Variants in GRM4 observed in about 807,000 individuals in gnomAD.
GRM4 encodes glutamate metabotropic receptor 4.
Under a neutral mutation model 81.7 loss-of-function variants are expected in GRM4, and 28 were observed. The ratio of observed to expected loss-of-function variants is 0.34; its 90% CI spans 0.25 to 0.47. The LOEUF (loss-of-function observed/expected upper bound fraction) is 0.47. Ranked by LOEUF, GRM4 falls within the 20% of genes least tolerant of loss-of-function variation. The pLI is 1.00. For missense variants in GRM4, 948 were observed against 1,290.0 expected (o/e 0.73, Z 4.06); for synonymous variants, 488 against 528.8 (o/e 0.92, Z 1.06).
In GRM4 at chr6:34,027,256, T is replaced by C. The variant is rs548614721; in HGVS notation, c.2689+864A>G. On this transcript the variant is annotated intron_variant, in intron 10 of 10. Transcript: ENST00000538487. The stretch of plus-strand genomic sequence containing the variant: ...GGAAGGGTATCAGAAGCCAGTATAC[T>C]CTCCACAACAGAGGTGCACAGGCTG... Among the ~76,000 whole-genome samples the C allele has an allele frequency of 3.2e-4, 48 of 152,156 alleles. No homozygotes were observed. The South Asian group carries it at 7.7e-3, about 24-fold the overall frequency.
rs754601231 is a variant in GRM4, at chr6:34,028,104, G to A, written c.2689+16C>T. The stretch of plus-strand genomic sequence containing the variant: ...GGCCTGGGGCCCGAGAGGGCAGAAC[G>A]GGGCCAGGCACTCACCTGGGGCCTC... On this transcript the variant is annotated intron_variant, in intron 10 of 10. Coordinates refer to ENST00000538487, the MANE Select transcript of GRM4 (RefSeq NM_000841.4). The A allele has an allele frequency of 2.2e-5, 36 of 1,603,762 alleles. No individual in the cohort carries two copies. The highest frequency in any genetic ancestry group is 1.7e-4 in the African/African-American group (13 of 74,742).
At chr6:34,024,216 T>C (rs1289533867) in intron 10 of GRM4, 4 of 161,476 alleles carry the variant, frequency 2.5e-5, no homozygotes, top group Non-Finnish European at 5.5e-5. Flanking sequence ...GCTGAGGCCT[T>C]ACCTGACTGT....
chr6:34,023,903 G>A (rs77789704), intron 10 of GRM4, among the ~76,000 whole-genome samples: 1,828 of 152,322 alleles, frequency 0.012, 23 homozygotes, highest in African/African-American at 0.04. Flanking sequence ...CCTGGGAGCC[G>A]CCTCAGTGGT....
At chr6:34,110,719 G>T in intron 2 of GRM4, 1 of 1,517,386 alleles carries the variant, frequency 6.6e-7, no homozygotes, top group Non-Finnish European at 8.8e-7. Flanking sequence ...CTGTGCCGGG[G>T]TGCTGGGCTG....
intron 3 of GRM4, among the ~76,000 whole-genome samples, chr6:34,079,870 T>C (rs1173994836): frequency 3.3e-5 from 5 of 152,082 alleles, no homozygotes; most frequent in African/African-American, 1.2e-4. Context: ...TGGACTACAG[T>C]GGCCTCCACA....
rs1445759073 is a variant in GRM4, at chr6:34,092,993, G to A, written c.520-894C>T. ...GCTCTCCCGGCTGCTCAGGGCTTGT[G>A]GGCTCCACTCCCCGCTTGGCCCACA... On this transcript the variant is annotated intron_variant, in intron 2 of 10. Transcript: ENST00000538487. The surrounding 1 kb of genome is among the most constrained non-coding windows in gnomAD (Gnocchi z 6.8). 6.6e-6 allele frequency among the ~76,000 whole-genome samples: 1 copy of A among 152,144 alleles called. No individual in the cohort carries two copies. Among genetic ancestry groups the A allele is most frequent in the Non-Finnish European group, 1.5e-5 (1 of 68,018 alleles).
intron 10 of GRM4, chr6:34,024,109 TGTG>T (rs1764021515): frequency 6.6e-6 from 1 of 152,550 alleles, no homozygotes; most frequent in Non-Finnish European, 1.5e-5. Context: ...GGGGGACAAG[TGTG>T]GTGGTCTACA....
intron 1 of GRM4, among the ~76,000 whole-genome samples, chr6:34,142,005 A>T (rs1304126614): frequency 6.6e-6 from 1 of 152,210 alleles, no homozygotes; most frequent in East Asian, 1.9e-4. Flanking sequence ...CAGGGACCAA[A>T]GGCAGCAAAA....
chr6:34,144,517 C>CTA (rs912809099), intron 1 of GRM4, among the ~76,000 whole-genome samples: 32 of 152,218 alleles, frequency 2.1e-4, no homozygotes, highest in African/African-American at 7.7e-4. Flanking sequence ...ACCCCAGACC[C>CTA]TAGAGACCCC....
chr6:34,036,344 A>G lies in GRM4; in HGVS notation c.1766T>C (p.Val589Ala). The G allele has an allele frequency of 6.2e-7, 1 of 1,613,834 alleles. No individual in the cohort carries two copies. The highest frequency in any genetic ancestry group is 8.5e-7 in the Non-Finnish European group (1 of 1,179,964). ...IKLEWGSPWA[V>A]LPLFLAVVGI... ...CACCACGGCCAGGAAGAGGGGCAGCACGGCCCAGGGCGAGCCCCACTCAAG... is the reference window on the plus strand; with the variant it reads ...CACCACGGCCAGGAAGAGGGGCAGCGCGGCCCAGGGCGAGCCCCACTCAAG... Residue 589 changes from valine to alanine, a missense_variant, in exon 9 of 11, where the codon GTG becomes GCG. Physicochemically the swap from Val to Ala is moderately conservative, Grantham distance 64. Coordinates refer to ENST00000538487, the MANE Select transcript of GRM4 (RefSeq NM_000841.4). The surrounding 1 kb of genome is among the most constrained non-coding windows in gnomAD (Gnocchi z 9.0).
At chr6:34,044,126 A>G (rs576524945) in intron 6 of GRM4, among the ~76,000 whole-genome samples, 55 of 151,120 alleles carry the variant, frequency 3.6e-4, no homozygotes, top group African/African-American at 1.3e-3. Flanking sequence ...ACAGACACAC[A>G]CACACACATA....
In GRM4 at chr6:34,074,395, G is replaced by A. The variant is rs79831634; in HGVS notation, c.737-12367C>T. Among the ~76,000 whole-genome samples, 12,470 of 152,258 alleles carry A rather than the reference G, an allele frequency of 0.082. 1,096 individuals carry two copies. The highest frequency in any genetic ancestry group is 0.21 in the African/African-American group (8,731 of 41,528). On this transcript the variant is annotated intron_variant, in intron 3 of 10. Coordinates refer to ENST00000538487, the MANE Select transcript of GRM4 (RefSeq NM_000841.4). This position sits in a 1 kb window ranked among gnomAD's most constrained non-coding sequence, Gnocchi z 4.9. ...GCCCCTAGGGGATATTTTGGGGTGT[G>A]GAGGAGGATGCAGGCCTTGGAGGAC...
intron 2 of GRM4, among the ~76,000 whole-genome samples, chr6:34,128,251 A>G (rs544960224): frequency 1.1e-4 from 16 of 152,170 alleles, no homozygotes; most frequent in Middle Eastern, 3.4e-3. Flanking sequence ...CCTCTTCCGC[A>G]TCGCCGGAGT....
At position 34,059,274 on chromosome 6, in the gene GRM4, G is replaced by A. The variant is rs1766064170; in HGVS notation, c.873-146C>T. On this transcript the variant is annotated intron_variant, in intron 4 of 10. Coordinates refer to ENST00000538487, the MANE Select transcript of GRM4 (RefSeq NM_000841.4). The surrounding 1 kb of genome is among the most constrained non-coding windows in gnomAD (Gnocchi z 5.7). ...CCCAGCACCGATGCTTTCACCCCAA[G>A]CCATGGATTCCCCCTACCCGCTGCC... The A allele has an allele frequency of 2.8e-6, 2 of 710,726 alleles. No individual in the cohort carries two copies. The highest frequency in any genetic ancestry group is 1.8e-5 in the African/African-American group (1 of 56,774). The allele number at this position is 710,726 out of a possible 1,614,324, so 44.0% of individuals were successfully genotyped here.
chr6:34,154,986 G>A (rs914007935), intron 1 of GRM4: 1 of 1,076,624 alleles, frequency 9.3e-7, no homozygotes, highest in Non-Finnish European at 1.3e-6. Context: ...GGGTCCGAGC[G>A]GGACCCAGGC....
At chr6:34,103,661 G>T in intron 2 of GRM4, 1 of 1,535,478 alleles carries the variant, frequency 6.5e-7, no homozygotes, top group Non-Finnish European at 8.7e-7. Flanking sequence ...CAGGCAGGCA[G>T]GGCAGAGGCC....
intron 3 of GRM4, among the ~76,000 whole-genome samples, chr6:34,091,078 C>T (rs1768182735): frequency 6.6e-6 from 1 of 152,212 alleles, no homozygotes; most frequent in African/African-American, 2.4e-5. Context: ...CAGCCTAGGG[C>T]TGCCTGCTGC....
At position 34,121,842 on chromosome 6, in the gene GRM4, G is replaced by C. The variant is rs4713743; in HGVS notation, c.519+11136C>G. On this transcript the variant is annotated intron_variant, in intron 2 of 10. Coordinates refer to ENST00000538487, the MANE Select transcript of GRM4 (RefSeq NM_000841.4). The surrounding 1 kb of genome is among the most constrained non-coding windows in gnomAD (Gnocchi z 4.6). Reference sequence around the variant, plus strand: ...CACCTCCTGTTTCCTGAGGGCCTGCGATGTGCCAGGCACTGAGCTAATCAC... The same window carrying C: ...CACCTCCTGTTTCCTGAGGGCCTGCCATGTGCCAGGCACTGAGCTAATCAC... Among the ~76,000 whole-genome samples, 13 of 152,016 alleles carry C rather than the reference G, an allele frequency of 8.6e-5. No individual in the cohort carries two copies. Among genetic ancestry groups the C allele is most frequent in the Middle Eastern group, 3.4e-3 (1 of 292 alleles).
At chr6:34,046,695 G>A (rs144102727) in intron 6 of GRM4, among the ~76,000 whole-genome samples, 55 of 152,314 alleles carry the variant, frequency 3.6e-4, no homozygotes, top group South Asian at 2.1e-4. Flanking sequence ...TGAGGGGTAC[G>A]GCTGGGGCAG....
Sources: allele counts gnomAD v4.1 joint callset (sites outside exome capture counted in the v4.1 genomes callset), GRCh38; gene constraint gnomAD v4.1.1; non-coding constraint Gnocchi (gnomAD v3.1); transcripts MANE v1.5; gene names NCBI Gene and HGNC (gene_info 2026-07-23, HGNC 2026-07-21).